The following CHD9 variants were observed in gnomAD, a reference collection of about 807,000 sequenced individuals.
CHD9 encodes the protein chromodomain helicase DNA binding protein 9.
In CHD9, 77 loss-of-function variants were observed where a neutral mutation model predicts 316.1. The observed-to-expected ratio is 0.24, with a 90% CI of 0.20 to 0.29. The LOEUF is 0.29. Ranked by LOEUF, CHD9 falls within the 10% of genes least tolerant of loss-of-function variation. CHD9 has a pLI of 1.00. For synonymous variants in CHD9, 1,129 were observed against 1,158.3 expected (o/e 0.97, Z 0.51); for missense variants, 2,763 against 3,438.1 (o/e 0.80, Z 4.91).
At chr16:53,120,607 C>A (rs189539842) in intron 1 of CHD9, among the ~76,000 whole-genome samples, 2 of 150,274 alleles carry the variant, frequency 1.3e-5, no homozygotes, top group Admixed American at 1.3e-4. Flanking sequence ...GAGTGAAACT[C>A]CATCTCAAAA....
chr16:53,198,476 G>T (rs1370689342), intron 2 of CHD9, among the ~76,000 whole-genome samples: 3 of 151,874 alleles, frequency 2.0e-5, no homozygotes, highest in East Asian at 3.9e-4. Flanking sequence ...ACAGGCTCCT[G>T]CCACCACACC....
In CHD9 at chr16:53,325,456, A is replaced by C. The variant is rs1481350559; in HGVS notation, c.*561A>C. On this transcript the variant is annotated 3_prime_UTR_variant, in exon 39 of 39. Coordinates refer to ENST00000447540, the MANE Select transcript of CHD9 (RefSeq NM_001308319.2). ...TAAAGAAGAAATAAGTTTCCCAATC[A>C]GCCAATTTAACTGGCTACCTGTTAC... 1 of 152,638 alleles carries C rather than the reference A, an allele frequency of 6.6e-6. No homozygotes were observed. Among genetic ancestry groups the C allele is most frequent in the African/African-American group, 2.4e-5 (1 of 41,470 alleles). The allele number at this position is 152,638 out of a possible 1,614,324, so 9.5% of individuals were successfully genotyped here. A position where few individuals can be genotyped will look rare whatever the true frequency, so the allele number is the denominator to read the frequency against.
At chr16:53,234,006 C>G (rs1363055604) in intron 10 of CHD9, among the ~76,000 whole-genome samples, 1 of 152,028 alleles carries the variant, frequency 6.6e-6, no homozygotes. Flanking sequence ...AAATTTATGT[C>G]TTATATATCT....
intron 33 of CHD9, 78 bp downstream of exon 33, chr16:53,308,031 C>T: frequency 8.0e-7 from 1 of 1,244,148 alleles, no homozygotes; most frequent in Non-Finnish European, 1.1e-6. Context: ...TGGCTGCCTG[C>T]TCTTACTCTT....
chr16:53,146,437 A>ATATATATATATAT (rs58622741), intron 1 of CHD9, among the ~76,000 whole-genome samples: 11 of 129,682 alleles, frequency 8.5e-5, no homozygotes, highest in East Asian at 4.2e-4. Flanking sequence ...ATATATATAT[A>ATATATATATATAT]ATTAAAAAGT....
At chr16:53,261,043 T>C (rs1278374707) in intron 19 of CHD9, among the ~76,000 whole-genome samples, 2 of 143,338 alleles carry the variant, frequency 1.4e-5, no homozygotes, top group East Asian at 4.0e-4. Flanking sequence ...TTCAAAGAAA[T>C]ACAAAATTAG....
At chr16:53,256,628 C>G (rs1337368751) in intron 19 of CHD9, among the ~76,000 whole-genome samples, 2 of 148,312 alleles carry the variant, frequency 1.3e-5, no homozygotes, top group Non-Finnish European at 3.0e-5. Flanking sequence ...TGGCCATATT[C>G]CATTTTTCTT....
intron 1 of CHD9, among the ~76,000 whole-genome samples, chr16:53,147,525 G>T (rs2040730893): frequency 6.6e-6 from 1 of 151,884 alleles, no homozygotes; most frequent in African/African-American, 2.4e-5. Flanking sequence ...CCTTCCCCTA[G>T]CCCCAATAAC....
At chr16:53,068,473 G>C (rs150098490) in intron 1 of CHD9, among the ~76,000 whole-genome samples, 1 of 152,046 alleles carries the variant, frequency 6.6e-6, no homozygotes, top group Non-Finnish European at 1.5e-5. Context: ...CACAGGGCCC[G>C]CTAAAGTGCC....
intron 1 of CHD9, among the ~76,000 whole-genome samples, chr16:53,141,585 G>A (rs1264851868): frequency 3.3e-5 from 5 of 152,134 alleles, no homozygotes; most frequent in Non-Finnish European, 7.4e-5. Flanking sequence ...TAAGGATTGA[G>A]GAGTTTACTT....
At chr16:53,293,199 A>G (rs1301288885) in intron 29 of CHD9, 147 bp downstream of exon 29, 1 of 645,480 alleles carries the variant, frequency 1.5e-6, no homozygotes, top group African/African-American at 1.8e-5. Flanking sequence ...ACACACATAT[A>G]CTCACACATT....
intron 1 of CHD9, among the ~76,000 whole-genome samples, chr16:53,081,361 T>C (rs1311908834): frequency 6.6e-6 from 1 of 152,156 alleles, no homozygotes; most frequent in African/African-American, 2.4e-5. Context: ...ATGGTATGTT[T>C]TGGGAGGTGG....
intron 1 of CHD9, chr16:53,121,607 C>G (rs937836213): frequency 2.9e-6 from 1 of 349,136 alleles, no homozygotes; most frequent in Non-Finnish European, 5.6e-6. Context: ...GAACAGCTCT[C>G]TGGCTGAACA....
At position 53,287,967 on chromosome 16, in the gene CHD9, G is replaced by A; in HGVS notation, c.5200G>A (p.Asp1734Asn). ...ANDYMDGDVE[D>N]PEYKPAPAIF... ...TTTGTATTTTAACAGGGATGTGGAA[G>A]ATCCAGAATACAAACCTGCCCCAGC... Residue 1734 changes from aspartate to asparagine, a missense_variant, in exon 27 of 39, where the codon GAT becomes AAT. Physicochemically the swap from Asp to Asn is conservative, Grantham distance 23. This residue lies in a region of CHD9 where 183 missense variants were observed against 258.5 expected (regional missense o/e 0.71). Transcript: ENST00000447540. The A allele has an allele frequency of 6.2e-7, 1 of 1,609,390 alleles. No homozygotes were observed. Among genetic ancestry groups the A allele is most frequent in the Non-Finnish European group, 8.5e-7 (1 of 1,175,718 alleles).
At chr16:53,239,855 G>C (rs376569440) in intron 12 of CHD9, among the ~76,000 whole-genome samples, 11 of 152,190 alleles carry the variant, frequency 7.2e-5, no homozygotes, top group East Asian at 3.9e-4. Flanking sequence ...ATCTAATTAA[G>C]ATATCATGGA....
chr16:53,100,032 T>A (rs974012084), intron 1 of CHD9, among the ~76,000 whole-genome samples: 1 of 152,098 alleles, frequency 6.6e-6, no homozygotes, highest in Non-Finnish European at 1.5e-5. Context: ...GCTCCTCAGC[T>A]CCCTGCCAGG....
intron 31 of CHD9, among the ~76,000 whole-genome samples, chr16:53,306,003 T>C (rs2055929784): frequency 1.3e-5 from 2 of 152,112 alleles, no homozygotes; most frequent in Non-Finnish European, 1.5e-5. Context: ...GGCAGGAGTA[T>C]TGCTTGAGCC....
chr16:53,108,245 T>C (rs2037526932), intron 1 of CHD9, among the ~76,000 whole-genome samples: 1 of 152,218 alleles, frequency 6.6e-6, no homozygotes, highest in Admixed American at 6.5e-5. Flanking sequence ...CTCATGCCTG[T>C]AGTCCCAGCA....
intron 2 of CHD9, among the ~76,000 whole-genome samples, chr16:53,204,895 G>A (rs2045778413): frequency 6.6e-6 from 1 of 151,642 alleles, no homozygotes; most frequent in Non-Finnish European, 1.5e-5. Flanking sequence ...CCAGGCTAGA[G>A]TACGGTGGCA....
Sources: gnomAD v4.1 joint callset for allele counts (sites outside exome capture counted in the v4.1 genomes callset) on GRCh38, gnomAD v4.1.1 for gene constraint, gnomAD v4.1.1 regional missense constraint, MANE v1.5 for transcripts, NCBI Gene and HGNC (gene_info 2026-07-23, HGNC 2026-07-21) for gene names.